Variants in ZDHHC21 observed in about 807,000 individuals in gnomAD.
The protein encoded by ZDHHC21 is zDHHC palmitoyltransferase 21, also known as palmitoyltransferase ZDHHC21.
ZDHHC21 carries 15 observed loss-of-function variants against 34.6 expected under a neutral mutation model. The ratio of observed to expected loss-of-function variants is 0.43; its 90% CI spans 0.29 to 0.67. The LOEUF (loss-of-function observed/expected upper bound fraction) is 0.67. Ranked by LOEUF, ZDHHC21 falls within the 30% of genes least tolerant of loss-of-function variation. The probability of loss-of-function intolerance (pLI) is 0.14; values close to 1 mark genes in which losing one functional copy is unlikely to be tolerated. For synonymous variants in ZDHHC21, 142 were observed against 101.8 expected, an observed-to-expected ratio of 1.40 and a Z score of -2.38; for missense variants, 344 against 327.7, an observed-to-expected ratio of 1.05 and a Z score of -0.38.
the ZDHHC21 span, among the ~76,000 whole-genome samples, chr9:14,597,705 T>C: frequency 6.6e-6 from 1 of 151,962 alleles, no homozygotes. Context: ...AAGTGCACCA[T>C]CCAGGAGCCT....
At chr9:14,684,406 C>A (rs528001442) in intron 2 of ZDHHC21, among the ~76,000 whole-genome samples, 3 of 147,744 alleles carry the variant, frequency 2.0e-5, no homozygotes, top group African/African-American at 7.4e-5. Flanking sequence ...TATACACCAA[C>A]AACAGACAAA....
At chr9:14,598,872 C>T in the ZDHHC21 span, among the ~76,000 whole-genome samples, 2 of 152,148 alleles carry the variant, frequency 1.3e-5, no homozygotes, top group African/African-American at 2.4e-5. Context: ...TCTCCCACTC[C>T]AGTCTCCCAA....
intron 8 of ZDHHC21, among the ~76,000 whole-genome samples, chr9:14,634,462 T>C (rs1178852915): frequency 1.3e-5 from 2 of 152,098 alleles, no homozygotes; most frequent in South Asian, 2.1e-4. Context: ...ACAGGCCCAC[T>C]TGCTGCTGCC....
At chr9:14,625,112 T>C (rs1332141012) in intron 8 of ZDHHC21, among the ~76,000 whole-genome samples, 2 of 152,054 alleles carry the variant, frequency 1.3e-5, no homozygotes, top group Non-Finnish European at 2.9e-5. Context: ...AATTTTTCCA[T>C]AGCACTTAGC....
At chr9:14,628,104 G>A (rs1276867783) in intron 8 of ZDHHC21, among the ~76,000 whole-genome samples, 8 of 152,014 alleles carry the variant, frequency 5.3e-5, no homozygotes, top group Non-Finnish European at 8.8e-5. Context: ...AAATTAAATC[G>A]AAAAATAATC....
chr9:14,616,729 T>C lies in ZDHHC21; in HGVS notation c.*2237A>G, dbSNP rs1384008387. On this transcript the variant is annotated 3_prime_UTR_variant, in exon 10 of 10. Transcript: ENST00000380916. ...TTAAGTATATATAGATATACTGTAA[T>C]ATACATTCTTATGTATATATACTGA... is the stretch of plus-strand genomic sequence containing the variant. The C allele has an allele frequency of 6.6e-6, 1 of 151,870 alleles. No homozygotes were observed. The allele number at this position is 151,870 out of a possible 1,614,324, so 9.4% of individuals were successfully genotyped here. A position where few individuals can be genotyped will look rare whatever the true frequency, so the allele number is the denominator to read the frequency against.
the ZDHHC21 span, among the ~76,000 whole-genome samples, chr9:14,605,050 T>G: frequency 6.6e-6 from 1 of 152,230 alleles, no homozygotes; most frequent in East Asian, 1.9e-4. Context: ...CTTCCTTTTC[T>G]ATGGCTGAAT....
intron 8 of ZDHHC21, among the ~76,000 whole-genome samples, chr9:14,622,159 C>A (rs939776010): frequency 5.3e-5 from 8 of 152,142 alleles, no homozygotes; most frequent in African/African-American, 1.9e-4. Flanking sequence ...ATCAAAATAT[C>A]TAAGACTTTC....
rs1416954992 is a variant in ZDHHC21, at chr9:14,615,951, AGTT to A, written c.*3012_*3014del. ...TTATTTTCTAATGCCCAACACCTTT[AGTT>A]GTTTTCAGTTATCCAGAATACATAA... is the stretch of plus-strand genomic sequence containing the variant. On this transcript the variant is annotated 3_prime_UTR_variant, in exon 10 of 10. Transcript: ENST00000380916. 2 of 151,706 alleles carry A rather than the reference AGTT, an allele frequency of 1.3e-5. No individual in the cohort carries two copies. The highest frequency in any genetic ancestry group is 3.0e-5 in the Non-Finnish European group (2 of 67,714). The allele number at this position is 151,706 out of a possible 1,614,324, so 9.4% of individuals were successfully genotyped here.
At chr9:14,664,342 T>G (rs1214789968) in intron 5 of ZDHHC21, among the ~76,000 whole-genome samples, 1 of 151,758 alleles carries the variant, frequency 6.6e-6, no homozygotes, top group Non-Finnish European at 1.5e-5. Flanking sequence ...ATCCCACACC[T>G]GGCTCGGAGG....
chr9:14,683,335 C>G (rs1251758693), intron 2 of ZDHHC21, among the ~76,000 whole-genome samples: 6 of 151,950 alleles, frequency 3.9e-5, no homozygotes, highest in African/African-American at 1.4e-4. Context: ...AGAGAAGAAT[C>G]AAATAGACGC....
At chr9:14,678,550 A>G (rs1035753946) in intron 3 of ZDHHC21, among the ~76,000 whole-genome samples, 2 of 152,160 alleles carry the variant, frequency 1.3e-5, no homozygotes, top group Non-Finnish European at 2.9e-5. Context: ...CAGAAAAAAA[A>G]GGACACTCTC....
rs1835737101 is a variant in ZDHHC21, at chr9:14,672,911, T to C, written c.172A>G (p.Ile58Val). Residue 58 changes from isoleucine (I) to valine (V), a missense_variant, in exon 5 of 10, where the codon ATA (isoleucine) becomes GTA (valine). Physicochemically the swap from Ile to Val is conservative, Grantham distance 29. Coordinates refer to ENST00000380916, the MANE Select transcript of ZDHHC21 (RefSeq NM_178566.6). ...ILIIIFYGIS[I>V]FCLVALVRAS... Reference sequence around the variant, plus strand: ...CTCACTAAGGCAACCAGACAGAATATGGAAATGCCATAGAATACTTTAAAA... The same window carrying C: ...CTCACTAAGGCAACCAGACAGAATACGGAAATGCCATAGAATACTTTAAAA... 7 of 1,599,476 alleles carry C rather than the reference T, an allele frequency of 4.4e-6. No homozygotes were observed. Among genetic ancestry groups the C allele is most frequent in the South Asian group, 1.1e-5 (1 of 88,742 alleles).
In ZDHHC21 at chr9:14,618,773, CTT is replaced by C. The variant is rs1824714861; in HGVS notation, c.*191_*192del. The C allele has an allele frequency of 1.0e-5, 5 of 497,082 alleles. No homozygotes were observed. The highest frequency in any genetic ancestry group is 1.3e-5 in the Non-Finnish European group (4 of 317,142). 30.8% of individuals were successfully genotyped at this position (497,082 alleles called of 1,614,324 possible). ...ATTTGAAAGTAAACATGCTTTAAAA[CTT>C]AAATATAGATCTTGTATTAGTCCCA... On this transcript the variant is annotated 3_prime_UTR_variant, in exon 10 of 10. Coordinates refer to ENST00000380916, the MANE Select transcript of ZDHHC21 (RefSeq NM_178566.6).
intron 3 of ZDHHC21, among the ~76,000 whole-genome samples, chr9:14,678,995 G>C (rs904709224): frequency 6.6e-6 from 1 of 152,080 alleles, no homozygotes; most frequent in African/African-American, 2.4e-5. Flanking sequence ...GACAGGGATA[G>C]AGACAGACCA....
intron 5 of ZDHHC21, among the ~76,000 whole-genome samples, chr9:14,670,626 G>A (rs1835274148): frequency 6.6e-6 from 1 of 151,912 alleles, no homozygotes; most frequent in African/African-American, 2.4e-5. Context: ...TCTATGGTCT[G>A]GACCATAAAT....
intron 8 of ZDHHC21, among the ~76,000 whole-genome samples, chr9:14,621,668 C>T (rs1002038056): frequency 6.6e-6 from 1 of 152,014 alleles, no homozygotes; most frequent in African/African-American, 2.4e-5. Flanking sequence ...GTTATAAGTA[C>T]AATTTGTATT....
At chr9:14,649,162 C>T (rs1372831822) in intron 7 of ZDHHC21, among the ~76,000 whole-genome samples, 1 of 152,022 alleles carries the variant, frequency 6.6e-6, no homozygotes, top group Non-Finnish European at 1.5e-5. Flanking sequence ...GGGGGAAAGT[C>T]AACCTCCTCC....
chr9:14,672,991 A>G (rs1003622736), intron 4 of ZDHHC21, 63 bp from the exon 5 acceptor site: 8 of 1,058,344 alleles, frequency 7.6e-6, no homozygotes, highest in Non-Finnish European at 1.1e-5. Flanking sequence ...ATCAACAATC[A>G]TATTTAAAGT....
Sources: allele counts gnomAD v4.1 joint callset (sites outside exome capture counted in the v4.1 genomes callset), GRCh38; gene constraint gnomAD v4.1.1; transcripts MANE v1.5; gene names NCBI Gene and HGNC (gene_info 2026-07-23, HGNC 2026-07-21).